KHDRBS2: variants seen among roughly 807,000 people sequenced by gnomAD.
KHDRBS2 encodes KH domain-containing, RNA-binding, signal transduction-associated protein 2.
Under a neutral mutation model 44.3 loss-of-function variants are expected in KHDRBS2, and 26 were observed. That is an observed-to-expected ratio of 0.59 (90% confidence interval 0.43 to 0.81). The LOEUF is 0.81. Among genes scored for constraint, KHDRBS2 ranks in the 40% least tolerant of loss-of-function variants. The pLI is 0.00. For synonymous variants in KHDRBS2, 194 were observed against 151.1 expected (o/e 1.28, Z -2.08); for missense variants, 476 against 433.1 (o/e 1.10, Z -0.88).
chr6:62,261,776 TTAAC>T (rs1160685322), intron 1 of KHDRBS2, among the ~76,000 whole-genome samples: 1 of 151,916 alleles, frequency 6.6e-6, no homozygotes, highest in African/African-American at 2.4e-5. Flanking sequence ...ACAGTAAAGA[TTAAC>T]TATAAAGCTC....
chr6:61,650,129 A>G, the KHDRBS2 span, among the ~76,000 whole-genome samples: 1 of 152,108 alleles, frequency 6.6e-6, no homozygotes, highest in Non-Finnish European at 1.5e-5. Flanking sequence ...ATGCAGCTCC[A>G]GCAATTTGAG....
At chr6:62,128,483 C>A (rs1000913229) in intron 2 of KHDRBS2, among the ~76,000 whole-genome samples, 13 of 151,934 alleles carry the variant, frequency 8.6e-5, no homozygotes, top group African/African-American at 3.1e-4. Context: ...GGAAAGGTAA[C>A]TTTTAGGAAT....
the KHDRBS2 span, among the ~76,000 whole-genome samples, chr6:61,598,954 G>A: frequency 6.7e-6 from 1 of 149,390 alleles, no homozygotes; most frequent in Admixed American, 6.8e-5. Context: ...TTTCTTTTGA[G>A]ACAGAGTCTC....
the KHDRBS2 span, among the ~76,000 whole-genome samples, chr6:61,635,026 C>T: frequency 1.3e-5 from 2 of 151,858 alleles, no homozygotes; most frequent in South Asian, 2.1e-4. Flanking sequence ...CTTTTTTTAA[C>T]AAAATCAAAA....
Position 61,936,498 on chromosome 6 carries a change from A to G in KHDRBS2, c.484-35127T>C, listed in dbSNP as rs532613478. On this transcript the variant is annotated intron_variant, in intron 4 of 8. Coordinates refer to ENST00000281156, the MANE Select transcript of KHDRBS2 (RefSeq NM_152688.4). ...TTTAACCATACTCCTATATATTCTC[A>G]TTATTCTTTTTAAGTTAGATTTTTT... 1.5e-4 allele frequency among the ~76,000 whole-genome samples: 22 copies of G among 151,572 alleles called. 1 individual carries two copies. In the South Asian group the frequency reaches 4.6e-3, roughly 32 times the overall value.
chr6:62,125,139 C>T lies in KHDRBS2; in HGVS notation c.219+52046G>A, dbSNP rs748058048. ...GGGTAAGAAAGACAGTCTTGAATTG[C>T]CCATGCCATGCCTCCCAAAACCCTA... On this transcript the variant is annotated intron_variant, in intron 2 of 8. Transcript: ENST00000281156. Among the ~76,000 whole-genome samples the T allele has an allele frequency of 2.1e-3, 316 of 152,274 alleles. 5 individuals are homozygous for T. Among genetic ancestry groups the T allele is most frequent in the Non-Finnish European group, 2.6e-3 (179 of 68,024 alleles).
rs577450165 is a variant in KHDRBS2 at position 62,271,956 on chromosome 6, A to C, written c.91+13902T>G. Among the ~76,000 whole-genome samples the C allele has an allele frequency of 3.9e-5, 6 of 152,314 alleles. No homozygotes were observed. The South Asian group carries it at 1.2e-3, about 32-fold the overall frequency. On this transcript the variant is annotated intron_variant, in intron 1 of 8. Coordinates refer to ENST00000281156, the MANE Select transcript of KHDRBS2 (RefSeq NM_152688.4). Reference sequence around the variant, plus strand: ...GTTTATAAAGTCTACAGTAGTGTACAGTAATGTCCTCGACCTTCACCTTCA... The same window carrying C: ...GTTTATAAAGTCTACAGTAGTGTACCGTAATGTCCTCGACCTTCACCTTCA...
intron 3 of KHDRBS2, among the ~76,000 whole-genome samples, chr6:61,992,724 T>C (rs140364004): frequency 6.6e-6 from 1 of 152,200 alleles, no homozygotes; most frequent in Admixed American, 6.5e-5. Flanking sequence ...TCTACACACA[T>C]TTGTATTAAT....
At chr6:61,848,489 ATGTATATATATATATATATATG>A (rs1562293508) in intron 6 of KHDRBS2, among the ~76,000 whole-genome samples, 17 of 44,638 alleles carry the variant, frequency 3.8e-4, no homozygotes, top group African/African-American at 1.9e-3. Flanking sequence ...ATATATATAT[ATGTATATATATATATATATATG>A]TATATATGTA....
intron 2 of KHDRBS2, among the ~76,000 whole-genome samples, chr6:62,109,100 TAA>T (rs70993202): frequency 3.6e-5 from 5 of 140,678 alleles, no homozygotes; most frequent in Admixed American, 6.9e-5. Flanking sequence ...AGTATAATAA[TAA>T]AAAAAAAAAA....
rs558971150 is a variant in KHDRBS2, at chr6:62,053,339, C to T, written c.220-5345G>A. On this transcript the variant is annotated intron_variant, in intron 2 of 8. Transcript: ENST00000281156. Reference sequence around the variant, plus strand: ...AAATCAGAAAAGGAAATGCATAGACCAAAGCCACTCATAAAAGAAAAAAAA... The same window carrying T: ...AAATCAGAAAAGGAAATGCATAGACTAAAGCCACTCATAAAAGAAAAAAAA... 1.7e-3 allele frequency among the ~76,000 whole-genome samples: 256 copies of T among 150,800 alleles called. 6 individuals carry two copies. The South Asian group carries it at 0.05, about 30-fold the overall frequency.
the KHDRBS2 span, among the ~76,000 whole-genome samples, chr6:61,620,618 G>A: frequency 8.5e-5 from 13 of 152,338 alleles, no homozygotes; most frequent in Non-Finnish European, 1.0e-4. Context: ...CCATGGAGTT[G>A]TGACCCTTAG....
intron 2 of KHDRBS2, among the ~76,000 whole-genome samples, chr6:62,069,885 A>G (rs1309671414): frequency 6.6e-6 from 1 of 151,792 alleles, no homozygotes; most frequent in Non-Finnish European, 1.5e-5. Flanking sequence ...AGTATATTTT[A>G]TAGTAGTAAA....
intron 2 of KHDRBS2, among the ~76,000 whole-genome samples, chr6:62,099,640 G>A (rs535695646): frequency 1.3e-5 from 2 of 152,248 alleles, no homozygotes; most frequent in South Asian, 4.1e-4. Flanking sequence ...GGGCTCCAAG[G>A]TAACATCTTG....
intron 6 of KHDRBS2, among the ~76,000 whole-genome samples, chr6:61,751,656 G>A (rs1777708722): frequency 6.6e-6 from 1 of 152,068 alleles, no homozygotes; most frequent in Non-Finnish European, 1.5e-5. Context: ...TTAATTTTAG[G>A]GATTAACCAA....
chr6:61,943,399 T>A (rs1812551379), intron 4 of KHDRBS2, among the ~76,000 whole-genome samples: 3 of 145,232 alleles, frequency 2.1e-5, no homozygotes, highest in Non-Finnish European at 4.6e-5. Flanking sequence ...TGATAGACAA[T>A]GAAAAGAAAA....
intron 6 of KHDRBS2, among the ~76,000 whole-genome samples, chr6:61,849,412 G>A (rs1051880461): frequency 5.3e-5 from 8 of 151,872 alleles, no homozygotes; most frequent in Admixed American, 1.3e-4. Flanking sequence ...ATATCACTTA[G>A]AAGTTGCTTA....
At chr6:61,956,067 T>C (rs1230804083) in intron 4 of KHDRBS2, among the ~76,000 whole-genome samples, 1 of 151,866 alleles carries the variant, frequency 6.6e-6, no homozygotes, top group Non-Finnish European at 1.5e-5. Context: ...GTGGTGTGCG[T>C]CTGTATTCCC....
At position 61,869,624 on chromosome 6, in the gene KHDRBS2, G is replaced by A. The variant is rs12204895; in HGVS notation, c.810+25011C>T. ...GTCTGCAGCTCCCAGCGAGATTGACGCAGAAGACGGTGATTTCTGCATTTC... is the reference window on the plus strand; with the variant it reads ...GTCTGCAGCTCCCAGCGAGATTGACACAGAAGACGGTGATTTCTGCATTTC... On this transcript the variant is annotated intron_variant, in intron 6 of 8. Transcript: ENST00000281156. Among the ~76,000 whole-genome samples, 1,408 of 152,246 alleles carry A rather than the reference G, an allele frequency of 9.2e-3. 10 individuals are homozygous for A. Among genetic ancestry groups the A allele is most frequent in the Admixed American group, 0.016 (240 of 15,302 alleles).
Sources: allele counts gnomAD v4.1 joint callset (sites outside exome capture counted in the v4.1 genomes callset), GRCh38; gene constraint gnomAD v4.1.1; transcripts MANE v1.5; gene names NCBI Gene and HGNC (gene_info 2026-07-23, HGNC 2026-07-21).